FHIP1A: variants seen among roughly 807,000 people sequenced by gnomAD.
FHIP1A encodes the protein FHF complex subunit HOOK-interacting protein 1A.
In FHIP1A, 61 loss-of-function variants were observed where a neutral mutation model predicts 88.6. That is an observed-to-expected ratio of 0.69 (90% CI 0.56 to 0.85). FHIP1A has a LOEUF of 0.85. Ranked by LOEUF, FHIP1A falls within the 40% of genes least tolerant of loss-of-function variation. FHIP1A has a pLI of 0.00. For synonymous variants in FHIP1A, 478 were observed against 496.0 expected (o/e 0.96, Z 0.48); for missense variants, 1,154 against 1,273.5 (o/e 0.91, Z 1.43).
intron 2 of FHIP1A, among the ~76,000 whole-genome samples, chr4:151,460,025 A>G (rs1729093840): frequency 6.6e-6 from 1 of 152,148 alleles, no homozygotes; most frequent in Admixed American, 6.6e-5. Flanking sequence ...TTATGTTTTT[A>G]AGAGTTTAAT....
At chr4:151,566,033 T>C (rs1047610431) in intron 3 of FHIP1A, 105 bp from the exon 4 acceptor site, 1 of 350,296 alleles carries the variant, frequency 2.9e-6, no homozygotes, top group Non-Finnish European at 5.2e-6. Context: ...TTTTTTTCTG[T>C]GTTGGACTTT....
chr4:151,520,808 T>C (rs976100301), intron 3 of FHIP1A, among the ~76,000 whole-genome samples: 14 of 152,186 alleles, frequency 9.2e-5, no homozygotes, highest in East Asian at 1.9e-4. Flanking sequence ...TTGTTACTAT[T>C]ATACTAGTAA....
chr4:151,433,623 A>G (rs1733681630), intron 1 of FHIP1A, among the ~76,000 whole-genome samples: 1 of 152,156 alleles, frequency 6.6e-6, no homozygotes. Context: ...AACTAAGGGC[A>G]TGGGAGTGGA....
At chr4:151,658,628 A>G (rs1435308878) in intron 13 of FHIP1A, among the ~76,000 whole-genome samples, 4 of 152,216 alleles carry the variant, frequency 2.6e-5, no homozygotes, top group African/African-American at 9.7e-5. Flanking sequence ...ACAGAGGGCC[A>G]GCGCAGATTG....
intron 3 of FHIP1A, among the ~76,000 whole-genome samples, chr4:151,531,107 G>T (rs1468041066): frequency 6.6e-6 from 1 of 152,056 alleles, no homozygotes; most frequent in African/African-American, 2.4e-5. Context: ...CATTTTGTAT[G>T]AAGATAATTA....
chr4:151,558,854 G>A (rs2126759779), intron 3 of FHIP1A, among the ~76,000 whole-genome samples: 1 of 152,276 alleles, frequency 6.6e-6, no homozygotes, highest in Non-Finnish European at 1.5e-5. Flanking sequence ...CCTAGAGCTA[G>A]TCACTTAGAC....
chr4:151,476,366 C>G (rs1729706150), intron 2 of FHIP1A, among the ~76,000 whole-genome samples: 1 of 151,878 alleles, frequency 6.6e-6, no homozygotes, highest in African/African-American at 2.4e-5. Flanking sequence ...CTAGGCTGCT[C>G]TTGAACTCCT....
At chr4:151,450,260 G>GT (rs146796377) in intron 1 of FHIP1A, among the ~76,000 whole-genome samples, 17,144 of 151,998 alleles carry the variant, frequency 0.11, 1,014 homozygotes, top group East Asian at 0.14. Context: ...CAGCCTAATA[G>GT]TTTTTTTATA....
rs1170463953 is a variant in FHIP1A at position 151,574,861 on chromosome 4, A to G, written c.106-2589A>G. 2.6e-5 allele frequency among the ~76,000 whole-genome samples: 4 copies of G among 152,180 alleles called. No individual in the cohort carries two copies. In the East Asian group the frequency reaches 7.7e-4, roughly 29 times the overall value. On this transcript the variant is annotated intron_variant, in intron 4 of 13. Coordinates refer to ENST00000435205, the MANE Select transcript of FHIP1A (RefSeq NM_001109977.3). ...TGATGGGTCTATTGTATGGTGATATAACATATTTTGATTCTAATTCTCTTA... is the reference window on the plus strand; with the variant it reads ...TGATGGGTCTATTGTATGGTGATATGACATATTTTGATTCTAATTCTCTTA...
chr4:151,468,859 T>C (rs567268794), intron 2 of FHIP1A, among the ~76,000 whole-genome samples: 1 of 152,338 alleles, frequency 6.6e-6, no homozygotes, highest in East Asian at 1.9e-4. Context: ...TATGTAATCA[T>C]GATCATCTGA....
chr4:151,627,205 G>A (rs1735987900), intron 7 of FHIP1A, among the ~76,000 whole-genome samples: 1 of 152,170 alleles, frequency 6.6e-6, no homozygotes, highest in Admixed American at 6.5e-5. Flanking sequence ...TATAAATGCT[G>A]TCCCTCCAAG....
intron 13 of FHIP1A, among the ~76,000 whole-genome samples, chr4:151,658,254 T>C (rs969790381): frequency 6.6e-6 from 1 of 152,200 alleles, no homozygotes; most frequent in Non-Finnish European, 1.5e-5. Context: ...ATTACCAGTA[T>C]AATAAACCAC....
At chr4:151,509,467 G>A (rs916614582) in intron 3 of FHIP1A, among the ~76,000 whole-genome samples, 5 of 152,122 alleles carry the variant, frequency 3.3e-5, no homozygotes, top group African/African-American at 9.7e-5. Context: ...GCCTGGCCAA[G>A]TTCTTTACCT....
chr4:151,597,595 C>A (rs1734699202), intron 7 of FHIP1A, among the ~76,000 whole-genome samples: 1 of 152,166 alleles, frequency 6.6e-6, no homozygotes. Context: ...AGCTGGCAGG[C>A]AGGAAGGTTT....
chr4:151,451,031 G>A (rs1452442217), intron 1 of FHIP1A, among the ~76,000 whole-genome samples: 1 of 152,026 alleles, frequency 6.6e-6, no homozygotes, highest in African/African-American at 2.4e-5. Flanking sequence ...ACCCTGCTAG[G>A]CCTCCCAGAG....
intron 1 of FHIP1A, among the ~76,000 whole-genome samples, chr4:151,409,966 T>A (rs1196146185): frequency 2.0e-5 from 3 of 152,172 alleles, no homozygotes; most frequent in African/African-American, 4.8e-5. Flanking sequence ...TTGCTCAATT[T>A]CGTAAATTCT....
intron 7 of FHIP1A, among the ~76,000 whole-genome samples, chr4:151,600,676 G>A (rs527412850): frequency 1.7e-4 from 26 of 152,266 alleles, no homozygotes; most frequent in African/African-American, 5.8e-4. Context: ...GCCTCAGCAG[G>A]CTGGGGCCTG....
intron 3 of FHIP1A, among the ~76,000 whole-genome samples, chr4:151,560,468 G>C (rs1466485128): frequency 6.6e-6 from 1 of 152,110 alleles, no homozygotes; most frequent in Admixed American, 6.6e-5. Context: ...TGAAGTGAGA[G>C]GGTTCTTCTT....
intron 8 of FHIP1A, among the ~76,000 whole-genome samples, chr4:151,636,650 A>G (rs1560813308): frequency 6.6e-6 from 1 of 152,114 alleles, no homozygotes; most frequent in Non-Finnish European, 1.5e-5. Context: ...TTGTGCTGCA[A>G]AAACTATAAA....
Sources: allele counts gnomAD v4.1 joint callset (sites outside exome capture counted in the v4.1 genomes callset), GRCh38; gene constraint gnomAD v4.1.1; transcripts MANE v1.5; gene names NCBI Gene and HGNC (gene_info 2026-07-23, HGNC 2026-07-21).